Variants in HTR7 observed in about 807,000 individuals in gnomAD.
HTR7 encodes 5-HT-7.
A neutral mutation model predicts 34.0 loss-of-function variants in HTR7; 16 were observed. That is an observed-to-expected ratio of 0.47 (90% confidence interval 0.32 to 0.71). The LOEUF (loss-of-function observed/expected upper bound fraction) is 0.71. Among genes scored for constraint, HTR7 ranks in the 30% least tolerant of loss-of-function variants. The pLI is 0.04. For synonymous variants in HTR7, 265 were observed against 260.2 expected (o/e 1.02, Z -0.18); for missense variants, 504 against 625.5 (o/e 0.81, Z 2.07).
intron 1 of HTR7, among the ~76,000 whole-genome samples, chr10:90,827,794 C>T (rs1846101881): frequency 6.6e-6 from 1 of 152,122 alleles, no homozygotes; most frequent in Non-Finnish European, 1.5e-5. Context: ...GACCTCAACA[C>T]CCCACTTTCA....
At chr10:90,845,294 G>C (rs1846397968) in intron 1 of HTR7, among the ~76,000 whole-genome samples, 1 of 152,126 alleles carries the variant, frequency 6.6e-6, no homozygotes, top group Admixed American at 6.5e-5. Context: ...CCAGAATAAA[G>C]CTGTAAGGGA....
At chr10:90,833,302 G>A (rs913386075) in intron 1 of HTR7, among the ~76,000 whole-genome samples, 1 of 152,182 alleles carries the variant, frequency 6.6e-6, no homozygotes, top group African/African-American at 2.4e-5. Flanking sequence ...CTTTTTAAAA[G>A]AGGATACATG....
rs200821334 is a variant in HTR7 at position 90,777,517 on chromosome 10, A to C, written c.540-27923T>G. ...AAAAAAAAAGATGCCTCCTACAAAA[A>C]GAGGTACACCATCCATGTTCCAGGC... On this transcript the variant is annotated intron_variant, in intron 1 of 3. Coordinates refer to ENST00000336152, the MANE Select transcript of HTR7 (RefSeq NM_019859.4). Among the ~76,000 whole-genome samples, 6 of 152,202 alleles carry C rather than the reference A, an allele frequency of 3.9e-5. No individual in the cohort carries two copies. In the East Asian group the frequency reaches 1.2e-3, roughly 29 times the overall value.
intron 1 of HTR7, among the ~76,000 whole-genome samples, chr10:90,760,806 G>A (rs947971288): frequency 5.3e-5 from 8 of 152,090 alleles, no homozygotes; most frequent in African/African-American, 4.8e-5. Context: ...GCTTGAACCC[G>A]GGAAGTGTAA....
At chr10:90,790,020 T>C (rs1270752785) in intron 1 of HTR7, among the ~76,000 whole-genome samples, 1 of 152,184 alleles carries the variant, frequency 6.6e-6, no homozygotes, top group East Asian at 1.9e-4. Context: ...ACCCTACACA[T>C]TGTACTGGAA....
At chr10:90,847,929 G>A (rs1846433699) in intron 1 of HTR7, among the ~76,000 whole-genome samples, 1 of 152,036 alleles carries the variant, frequency 6.6e-6, no homozygotes, top group Non-Finnish European at 1.5e-5. Flanking sequence ...AATATACATG[G>A]ACACTTTAAC....
chr10:90,808,566 G>A (rs999905150), intron 1 of HTR7, among the ~76,000 whole-genome samples: 6 of 151,186 alleles, frequency 4.0e-5, no homozygotes, highest in African/African-American at 1.5e-4. Context: ...TCTGCGCCCT[G>A]ATCCCTTATT....
intron 1 of HTR7, among the ~76,000 whole-genome samples, chr10:90,797,200 C>A (rs1293314043): frequency 1.3e-5 from 2 of 151,970 alleles, no homozygotes; most frequent in African/African-American, 2.4e-5. Context: ...TTTTCTGAAG[C>A]TTTTTATAGC....
chr10:90,774,786 C>G (rs1845178921), intron 1 of HTR7, among the ~76,000 whole-genome samples: 1 of 152,208 alleles, frequency 6.6e-6, no homozygotes, highest in Admixed American at 6.5e-5. Context: ...CAGCAAAACT[C>G]TGACAAACTT....
chr10:90,797,188 GT>G (rs1845554261), intron 1 of HTR7, among the ~76,000 whole-genome samples: 1 of 152,024 alleles, frequency 6.6e-6, no homozygotes, highest in Admixed American at 6.5e-5. Flanking sequence ...ATTTTTATGT[GT>G]TTTTCTGAAG....
intron 1 of HTR7, among the ~76,000 whole-genome samples, chr10:90,803,295 G>T (rs1019505318): frequency 6.6e-6 from 1 of 152,098 alleles, no homozygotes; most frequent in African/African-American, 2.4e-5. Flanking sequence ...TGGCATATGA[G>T]GGTCTTGTGT....
At chr10:90,804,295 C>G (rs1292943777) in intron 1 of HTR7, among the ~76,000 whole-genome samples, 1 of 152,160 alleles carries the variant, frequency 6.6e-6, no homozygotes, top group African/African-American at 2.4e-5. Context: ...ATGATTCTTC[C>G]TGGACACCAG....
At chr10:90,776,107 C>T (rs566277532) in intron 1 of HTR7, among the ~76,000 whole-genome samples, 1 of 152,310 alleles carries the variant, frequency 6.6e-6, no homozygotes, top group Non-Finnish European at 1.5e-5. Flanking sequence ...TCATGGGTCA[C>T]ATTTCCAATT....
intron 1 of HTR7, among the ~76,000 whole-genome samples, chr10:90,851,435 T>A (rs1846497536): frequency 2.0e-5 from 3 of 151,478 alleles, no homozygotes; most frequent in Admixed American, 2.0e-4. Context: ...TGAAACCCCG[T>A]CTCTACTAAA....
Position 90,857,506 on chromosome 10 carries a change from G to T in HTR7, c.166C>A (p.Pro56Thr). 1 of 1,612,280 alleles carries T rather than the reference G, an allele frequency of 6.2e-7. No individual in the cohort carries two copies. Among genetic ancestry groups the T allele is most frequent in the South Asian group, 1.1e-5 (1 of 91,038 alleles). The change falls in exon 1 of 4, where the codon CCG becomes ACG. Residue 56 changes from proline to threonine, a missense_variant. Transcript: ENST00000336152. The surrounding 1 kb of genome is among the most constrained non-coding windows in gnomAD (Gnocchi z 6.5). ...GGGGGCGCGTCCCAGGTGGGCGCCG[G>T]GCTGGCTGTCACCTCGCTCAGCAGG... ...PHLLSEVTAS[P>T]APTWDAPPDN...
At position 90,827,541 on chromosome 10, in the gene HTR7, T is replaced by G. The variant is rs149318870; in HGVS notation, c.539+29592A>C. Among the ~76,000 whole-genome samples, 577 of 152,178 alleles carry G rather than the reference T, an allele frequency of 3.8e-3. 4 individuals are homozygous for G. The highest frequency in any genetic ancestry group is 0.013 in the African/African-American group (560 of 41,508). ...CTGAAAAAAAAGAATGGAAAAAGAC[T>G]TTCTAAGCAAGTGAAAACCAAAAAG... On this transcript the variant is annotated intron_variant, in intron 1 of 3. Coordinates refer to ENST00000336152, the MANE Select transcript of HTR7 (RefSeq NM_019859.4).
chr10:90,812,861 A>G (rs1246968525), intron 1 of HTR7, among the ~76,000 whole-genome samples: 4 of 152,298 alleles, frequency 2.6e-5, no homozygotes, highest in East Asian at 1.9e-4. Flanking sequence ...TGACTTGCAC[A>G]TATTCGCCCA....
At chr10:90,820,571 G>T (rs1845963747) in intron 1 of HTR7, among the ~76,000 whole-genome samples, 1 of 152,164 alleles carries the variant, frequency 6.6e-6, no homozygotes, top group Non-Finnish European at 1.5e-5. Context: ...CATACAGGAA[G>T]AAGATCCCAA....
intron 1 of HTR7, among the ~76,000 whole-genome samples, chr10:90,796,230 A>G (rs1256868043): frequency 6.6e-6 from 1 of 152,112 alleles, no homozygotes; most frequent in Admixed American, 6.5e-5. Flanking sequence ...TCAGGATTTT[A>G]TTTTTGGCTG....
Sources: allele counts gnomAD v4.1 joint callset (sites outside exome capture counted in the v4.1 genomes callset), GRCh38; gene constraint gnomAD v4.1.1; non-coding constraint Gnocchi (gnomAD v3.1); transcripts MANE v1.5; gene names NCBI Gene and HGNC (gene_info 2026-07-23, HGNC 2026-07-21).